The following GRIK4 variants were observed in gnomAD, a reference collection of about 807,000 sequenced individuals.
GRIK4 encodes the protein glutamate ionotropic receptor kainate type subunit 4.
Under a neutral mutation model 104.9 loss-of-function variants are expected in GRIK4, and 40 were observed. The ratio of observed to expected loss-of-function variants is 0.38; its 90% CI spans 0.30 to 0.50. The LOEUF (loss-of-function observed/expected upper bound fraction) is 0.50. Among genes scored for constraint, GRIK4 ranks in the 20% least tolerant of loss-of-function variants. The pLI, the probability that GRIK4 is intolerant of heterozygous loss-of-function variation, is 0.93. For synonymous variants in GRIK4, 485 were observed against 524.9 expected (o/e 0.92, Z 1.04); for missense variants, 1,047 against 1,308.1 (o/e 0.80, Z 3.08).
At chr11:120,568,130 A>G (rs1948353497) in intron 1 of GRIK4, among the ~76,000 whole-genome samples, 1 of 152,158 alleles carries the variant, frequency 6.6e-6, no homozygotes, top group African/African-American at 2.4e-5. Context: ...GTAAGCTATT[A>G]TTGCACCACT....
At chr11:120,677,793 G>A in intron 3 of GRIK4, among the ~76,000 whole-genome samples, 1 of 152,220 alleles carries the variant, frequency 6.6e-6, no homozygotes, top group African/African-American at 2.4e-5. Context: ...CTAGAGCAGA[G>A]TAAGAGAGAG....
rs149470229 is a variant in GRIK4, at chr11:120,659,302, C to T, written c.-50-967C>T. ...GGTTGGGGGTGGGGCTGGTTTTCAG[C>T]GGTAGTAGAGCAGATGTGGAAAGCA... On this transcript the variant is annotated intron_variant, in intron 2 of 20. Transcript: ENST00000527524. 2.2e-3 allele frequency among the ~76,000 whole-genome samples: 331 copies of T among 152,108 alleles called. 4 individuals are homozygous for T. The highest frequency in any genetic ancestry group is 7.6e-3 in the African/African-American group (314 of 41,526).
intron 3 of GRIK4, among the ~76,000 whole-genome samples, chr11:120,704,238 C>A (rs1029481997): frequency 6.6e-6 from 1 of 152,112 alleles, no homozygotes; most frequent in Non-Finnish European, 1.5e-5. Flanking sequence ...GATATATATG[C>A]GGTTTATTCT....
chr11:120,849,174 C>T (rs1252385495), intron 8 of GRIK4, among the ~76,000 whole-genome samples: 1 of 152,176 alleles, frequency 6.6e-6, no homozygotes, highest in Non-Finnish European at 1.5e-5. Flanking sequence ...CACACACACA[C>T]ACACACACAT....
Position 120,956,268 on chromosome 11 carries a change from C to T in GRIK4, c.1701-512C>T, listed in dbSNP as rs1944146456. On this transcript the variant is annotated intron_variant, in intron 15 of 20. Transcript: ENST00000527524. This position sits in a 1 kb window ranked among gnomAD's most constrained non-coding sequence, Gnocchi z 4.6. Reference sequence around the variant, plus strand: ...CCAGGCTGGAGTACAGTGGTGGGATCTTGGCTCACTGCAGCCTTTACCTCC... The same window carrying T: ...CCAGGCTGGAGTACAGTGGTGGGATTTTGGCTCACTGCAGCCTTTACCTCC... Among the ~76,000 whole-genome samples the T allele has an allele frequency of 6.6e-6, 1 of 150,654 alleles. No homozygotes were observed. Among genetic ancestry groups the T allele is most frequent in the African/African-American group, 2.4e-5 (1 of 40,884 alleles).
intron 1 of GRIK4, among the ~76,000 whole-genome samples, chr11:120,628,550 G>A (rs1251821697): frequency 6.6e-6 from 1 of 152,214 alleles, no homozygotes; most frequent in Non-Finnish European, 1.5e-5. Flanking sequence ...CTGACAACAT[G>A]CGCCTTGTGC....
At chr11:120,619,861 C>T (rs1289257383) in intron 1 of GRIK4, 1 of 207,582 alleles carries the variant, frequency 4.8e-6, no homozygotes, top group African/African-American at 2.3e-5. Flanking sequence ...ATAAATTACC[C>T]AGTCTCTGCT....
intron 1 of GRIK4, among the ~76,000 whole-genome samples, chr11:120,612,460 G>T (rs1183732060): frequency 1.3e-5 from 2 of 150,376 alleles, no homozygotes; most frequent in African/African-American, 4.9e-5. Flanking sequence ...ATTACTGATT[G>T]ATTTCCTTAA....
intron 3 of GRIK4, among the ~76,000 whole-genome samples, chr11:120,684,804 G>T (rs1357713280): frequency 6.6e-6 from 1 of 151,970 alleles, no homozygotes; most frequent in African/African-American, 2.4e-5. Flanking sequence ...TCCGCCTCCC[G>T]GCTTCACGCC....
intron 3 of GRIK4, among the ~76,000 whole-genome samples, chr11:120,682,416 G>A (rs181944179): frequency 1.3e-5 from 2 of 152,252 alleles, no homozygotes; most frequent in Admixed American, 1.3e-4. Flanking sequence ...TTGGCCTGTA[G>A]CATGGTCTGG....
chr11:120,578,455 A>G (rs1948517036), intron 1 of GRIK4, among the ~76,000 whole-genome samples: 1 of 152,186 alleles, frequency 6.6e-6, no homozygotes, highest in Non-Finnish European at 1.5e-5. Context: ...CACACACAAC[A>G]TGCATGACCT....
intron 1 of GRIK4, among the ~76,000 whole-genome samples, chr11:120,606,470 A>G (rs1234425454): frequency 6.6e-6 from 1 of 152,226 alleles, no homozygotes; most frequent in African/African-American, 2.4e-5. Flanking sequence ...TCCGCATCAG[A>G]CAGTGGCCAA....
intron 6 of GRIK4, among the ~76,000 whole-genome samples, chr11:120,828,661 G>A (rs1333769174): frequency 6.6e-6 from 1 of 152,174 alleles, no homozygotes; most frequent in African/African-American, 2.4e-5. Flanking sequence ...GGTGTGTCCA[G>A]GTTGGGAAAT....
At chr11:120,683,946 C>T (rs1159961949) in intron 3 of GRIK4, among the ~76,000 whole-genome samples, 1 of 152,248 alleles carries the variant, frequency 6.6e-6, no homozygotes, top group Non-Finnish European at 1.5e-5. Flanking sequence ...AGATTCTGAA[C>T]ACAGACTTGC....
chr11:120,542,851 C>T (rs1486225285), intron 1 of GRIK4, among the ~76,000 whole-genome samples: 3 of 152,256 alleles, frequency 2.0e-5, no homozygotes, highest in African/African-American at 7.2e-5. Context: ...GGCTGCTTTT[C>T]AGCAAAGGAC....
rs954494819 is a variant in GRIK4 at position 120,652,393 on chromosome 11, TGTC to T, written c.-158-1291_-158-1289del. Among the ~76,000 whole-genome samples, 17 of 152,260 alleles carry T rather than the reference TGTC, an allele frequency of 1.1e-4. No individual in the cohort carries two copies. The Middle Eastern group carries it at 0.014, about 122-fold the overall frequency. On this transcript the variant is annotated intron_variant, in intron 1 of 20. Coordinates refer to ENST00000527524, the MANE Select transcript of GRIK4 (RefSeq NM_014619.5). ...TGCATCCTGGCATCTCCCCATTTGT[TGTC>T]AGGGAGAGAGGACACCTAGAAAGTG...
chr11:120,560,193 TG>T (rs1179914419), intron 1 of GRIK4, among the ~76,000 whole-genome samples: 1 of 152,060 alleles, frequency 6.6e-6, no homozygotes, highest in Non-Finnish European at 1.5e-5. Flanking sequence ...GGATTGTAGG[TG>T]TGTGCCACCA....
intron 9 of GRIK4, among the ~76,000 whole-genome samples, chr11:120,867,476 C>G (rs1217720587): frequency 6.6e-6 from 1 of 152,106 alleles, no homozygotes; most frequent in Non-Finnish European, 1.5e-5. Context: ...TCTCCGTAAC[C>G]TTCTTTTCTG....
intron 2 of GRIK4, among the ~76,000 whole-genome samples, chr11:120,657,595 C>T (rs1949732556): frequency 6.6e-6 from 1 of 152,230 alleles, no homozygotes; most frequent in Non-Finnish European, 1.5e-5. Context: ...TGATCCCAGG[C>T]CTAGACGCAT....
Sources: gnomAD v4.1 joint callset for allele counts (sites outside exome capture counted in the v4.1 genomes callset) on GRCh38, gnomAD v4.1.1 for gene constraint, Gnocchi (gnomAD v3.1) non-coding constraint, MANE v1.5 for transcripts, NCBI Gene and HGNC (gene_info 2026-07-23, HGNC 2026-07-21) for gene names.